The following UNC13C variants were observed in gnomAD, a reference collection of about 807,000 sequenced individuals.
UNC13C encodes the protein unc-13 homolog C.
Under a neutral mutation model 245.4 loss-of-function variants are expected in UNC13C, and 174 were observed. The observed-to-expected ratio is 0.71, with a 90% confidence interval of 0.63 to 0.80. The LOEUF is 0.80. Ranked by LOEUF, UNC13C falls within the 30% of genes least tolerant of loss-of-function variation. The pLI is 0.00. For missense variants in UNC13C, 2,829 were observed against 2,602.9 expected, an observed-to-expected ratio of 1.09 and a Z score of -1.89; for synonymous variants, 992 against 895.1, an observed-to-expected ratio of 1.11 and a Z score of -1.93.
At chr15:53,890,811 C>A in the UNC13C span, among the ~76,000 whole-genome samples, 6 of 151,714 alleles carry the variant, frequency 4.0e-5, no homozygotes, top group Non-Finnish European at 5.9e-5. Flanking sequence ...TTTAAAAAAA[C>A]CAGCTCCTGG....
chr15:53,918,785 A>G, the UNC13C span, among the ~76,000 whole-genome samples: 1 of 152,162 alleles, frequency 6.6e-6, no homozygotes, highest in Admixed American at 6.5e-5. Context: ...GTCATCAGAG[A>G]GCCTCTCTCC....
rs56255946 is a variant in UNC13C, at chr15:54,138,953, AT to A, written c.2984-4040del. On this transcript the variant is annotated intron_variant, in intron 2 of 32. Coordinates refer to ENST00000260323, the MANE Select transcript of UNC13C (RefSeq NM_001080534.3). ...TGCATATATCTCCAAATTTCCCCTAATTTTTTTTTTTTTTTTTTTTTTTTTG... is the reference window on the plus strand; with the variant it reads ...TGCATATATCTCCAAATTTCCCCTAATTTTTTTTTTTTTTTTTTTTTTTTG... 5.1e-4 allele frequency among the ~76,000 whole-genome samples: 25 copies of A among 48,640 alleles called. 1 individual carries two copies. Among genetic ancestry groups the A allele is most frequent in the Middle Eastern group, 0.059 (2 of 34 alleles). The allele number at this position is 48,640 out of a possible 152,430, so 31.9% of individuals were successfully genotyped here.
At chr15:53,968,227 T>G in the UNC13C span, 7 of 152,164 alleles carry the variant, frequency 4.6e-5, no homozygotes, top group African/African-American at 1.7e-4. Context: ...GAGACTGCAT[T>G]ATGCAGTATT....
the UNC13C span, among the ~76,000 whole-genome samples, chr15:53,937,799 C>T: frequency 7.9e-5 from 12 of 152,050 alleles, no homozygotes; most frequent in South Asian, 2.1e-4. Flanking sequence ...TCATAAGTGA[C>T]GGAGAACAAT....
At chr15:54,569,084 T>C (rs1245609619) in intron 30 of UNC13C, among the ~76,000 whole-genome samples, 2 of 152,230 alleles carry the variant, frequency 1.3e-5, no homozygotes, top group East Asian at 3.8e-4. Context: ...TTCTAAACTT[T>C]ATAAATACGA....
intron 17 of UNC13C, among the ~76,000 whole-genome samples, chr15:54,343,676 A>G (rs1218147221): frequency 6.6e-6 from 1 of 152,242 alleles, no homozygotes; most frequent in African/African-American, 2.4e-5. Flanking sequence ...AGAAAAAATT[A>G]TTCATTACAC....
At chr15:53,963,332 T>C in the UNC13C span, among the ~76,000 whole-genome samples, 3 of 152,208 alleles carry the variant, frequency 2.0e-5, no homozygotes, top group Non-Finnish European at 4.4e-5. Flanking sequence ...TTTTCAGGTT[T>C]AGGGAAGACA....
intron 17 of UNC13C, among the ~76,000 whole-genome samples, chr15:54,340,718 G>T (rs566864036): frequency 1.3e-5 from 2 of 152,138 alleles, no homozygotes; most frequent in African/African-American, 4.8e-5. Context: ...GTTAGGTAAT[G>T]TGAGGTCTCC....
intron 13 of UNC13C, among the ~76,000 whole-genome samples, chr15:54,316,531 C>T (rs116809529): frequency 1.3e-5 from 2 of 152,028 alleles, no homozygotes; most frequent in African/African-American, 4.8e-5. Flanking sequence ...TAGCACTCTT[C>T]TATGCCTTTT....
At chr15:54,020,840 C>A (rs1267915003) in intron 2 of UNC13C, among the ~76,000 whole-genome samples, 1 of 151,910 alleles carries the variant, frequency 6.6e-6, no homozygotes, top group Non-Finnish European at 1.5e-5. Flanking sequence ...TTTTATCTGA[C>A]AACTTGGGGC....
At chr15:54,581,677 G>A (rs892847425) in intron 30 of UNC13C, among the ~76,000 whole-genome samples, 5 of 152,164 alleles carry the variant, frequency 3.3e-5, no homozygotes, top group Non-Finnish European at 5.9e-5. Context: ...TTCAACAAAC[G>A]AATTTGGGGG....
chr15:54,076,406 G>A (rs1017430605), intron 2 of UNC13C, among the ~76,000 whole-genome samples: 11 of 151,728 alleles, frequency 7.2e-5, no homozygotes, highest in South Asian at 2.1e-4. Context: ...ATGGTTTCCA[G>A]TTTCATCCAT....
rs1211695339 is a variant in UNC13C, at chr15:54,297,900, C to G, written c.4078C>G (p.His1360Asp). ...IKGEEKVAPY[H>D]IQYTCLHENL... Reference sequence around the variant, plus strand: ...AGGAGAAGAGAAGGTTGCTCCATATCATATTCAATATACATGTTTACATGA... The same window carrying G: ...AGGAGAAGAGAAGGTTGCTCCATATGATATTCAATATACATGTTTACATGA... Residue 1360 changes from histidine to aspartate, a missense_variant, in exon 12 of 33, where the codon CAT (histidine) becomes GAT (aspartate). Coordinates refer to ENST00000260323, the MANE Select transcript of UNC13C (RefSeq NM_001080534.3). 1 of 1,602,202 alleles carries G rather than the reference C, an allele frequency of 6.2e-7. No homozygotes were observed. Among genetic ancestry groups the G allele is most frequent in the African/African-American group, 1.3e-5 (1 of 74,690 alleles).
chr15:54,526,108 CAGG>C (rs1895444759), intron 25 of UNC13C, among the ~76,000 whole-genome samples: 1 of 152,124 alleles, frequency 6.6e-6, no homozygotes, highest in South Asian at 2.1e-4. Flanking sequence ...ACCAAATTGT[CAGG>C]ATTCTTGGTT....
At chr15:54,135,377 G>A (rs1304664512) in intron 2 of UNC13C, among the ~76,000 whole-genome samples, 4 of 152,042 alleles carry the variant, frequency 2.6e-5, no homozygotes, top group South Asian at 2.1e-4. Context: ...TTGCTATCCC[G>A]GCCAATACGT....
intron 2 of UNC13C, among the ~76,000 whole-genome samples, chr15:54,025,504 C>T (rs1192883690): frequency 6.6e-6 from 1 of 152,140 alleles, no homozygotes; most frequent in Non-Finnish European, 1.5e-5. Context: ...AATACTGTAA[C>T]CTATCTAAGA....
At chr15:53,857,988 T>C in the UNC13C span, among the ~76,000 whole-genome samples, 8 of 152,228 alleles carry the variant, frequency 5.3e-5, no homozygotes, top group African/African-American at 1.9e-4. Context: ...AGATTTATGC[T>C]TAACATGCTG....
At chr15:54,379,994 A>G (rs1019046776) in intron 17 of UNC13C, among the ~76,000 whole-genome samples, 1 of 152,184 alleles carries the variant, frequency 6.6e-6, no homozygotes, top group African/African-American at 2.4e-5. Flanking sequence ...TGGTGAGAAC[A>G]ATTTATATCT....
At chr15:54,125,021 A>G (rs2030940903) in intron 2 of UNC13C, among the ~76,000 whole-genome samples, 1 of 152,208 alleles carries the variant, frequency 6.6e-6, no homozygotes, top group South Asian at 2.1e-4. Context: ...CCAGTACAAC[A>G]CAGTCTTGGT....
Sources: allele counts gnomAD v4.1 joint callset (sites outside exome capture counted in the v4.1 genomes callset), GRCh38; gene constraint gnomAD v4.1.1; transcripts MANE v1.5; gene names NCBI Gene and HGNC (gene_info 2026-07-23, HGNC 2026-07-21).